Variants in GIGYF2 observed in about 807,000 individuals in gnomAD.
The protein encoded by GIGYF2 is GRB10-interacting GYF protein 2.
GIGYF2 carries 25 observed loss-of-function variants against 208.1 expected under a neutral mutation model. That is an observed-to-expected ratio of 0.12 (90% CI 0.09 to 0.17). GIGYF2 has a LOEUF of 0.17. GIGYF2 is among the 10% of genes least tolerant of loss of function. The pLI is 1.00. For missense variants in GIGYF2, 1,302 were observed against 1,579.4 expected, an observed-to-expected ratio of 0.82 and a Z score of 2.98; for synonymous variants, 534 against 543.8, an observed-to-expected ratio of 0.98 and a Z score of 0.25.
chr2:232,704,597 G>C (rs115065613), intron 2 of GIGYF2, among the ~76,000 whole-genome samples: 1 of 151,902 alleles, frequency 6.6e-6, no homozygotes, highest in Non-Finnish European at 1.5e-5. Context: ...GGGTTTTGCC[G>C]TGTTGGCCAG....
intron 21 of GIGYF2, among the ~76,000 whole-genome samples, chr2:232,826,732 C>A (rs1377789270): frequency 6.6e-6 from 1 of 152,164 alleles, no homozygotes; most frequent in Non-Finnish European, 1.5e-5. Flanking sequence ...ATATGATTGA[C>A]TCCAATTTTG....
intron 2 of GIGYF2, among the ~76,000 whole-genome samples, chr2:232,706,449 G>T (rs1298104825): frequency 6.6e-6 from 1 of 152,100 alleles, no homozygotes; most frequent in South Asian, 2.1e-4. Flanking sequence ...TTCAAAACTA[G>T]TCTGGGAAAC....
chr2:232,829,272 T>C (rs1701343642), intron 21 of GIGYF2, among the ~76,000 whole-genome samples: 2 of 152,210 alleles, frequency 1.3e-5, no homozygotes, highest in African/African-American at 4.8e-5. Flanking sequence ...CCTCTGATTG[T>C]ATTCCTTGTC....
intron 17 of GIGYF2, among the ~76,000 whole-genome samples, chr2:232,811,973 A>C (rs1456563963): frequency 6.6e-6 from 1 of 152,184 alleles, no homozygotes; most frequent in Non-Finnish European, 1.5e-5. Context: ...GGACTCTGAG[A>C]GGCTGTAGGA....
chr2:232,856,894 T>C lies in GIGYF2; in HGVS notation c.*34T>C. ...CAGTGGACTGGCCATCCCTCTCCTG[T>C]CTGCCGACTATGGAGTCTCCACCTT... On this transcript the variant is annotated 3_prime_UTR_variant, in exon 29 of 29. Transcript: ENST00000373563. 6.9e-7 allele frequency: 1 copy of C among 1,447,134 alleles called. No homozygotes were observed. The highest frequency in any genetic ancestry group is 9.7e-7 in the Non-Finnish European group (1 of 1,027,108). The allele number at this position is 1,447,134 out of a possible 1,614,324, so 89.6% of individuals were successfully genotyped here.
At chr2:232,782,568 A>T (rs1265303202) in intron 8 of GIGYF2, 5 of 152,214 alleles carry the variant, frequency 3.3e-5, no homozygotes, top group African/African-American at 4.8e-5. Flanking sequence ...AAGCAGTAGC[A>T]TAAGAGTAAT....
At chr2:232,788,052 G>A (rs533332455) in intron 9 of GIGYF2, 1 of 153,926 alleles carries the variant, frequency 6.5e-6, no homozygotes, top group Non-Finnish European at 1.4e-5. Flanking sequence ...CAATTGTGGG[G>A]TCATGCAAAA....
At chr2:232,852,437 C>T (rs1574956898) in intron 28 of GIGYF2, among the ~76,000 whole-genome samples, 1 of 152,070 alleles carries the variant, frequency 6.6e-6, no homozygotes, top group Non-Finnish European at 1.5e-5. Flanking sequence ...CCCAGCTACT[C>T]GGGAAGCTGA....
At chr2:232,708,491 A>G (rs1696233893) in intron 2 of GIGYF2, among the ~76,000 whole-genome samples, 1 of 152,218 alleles carries the variant, frequency 6.6e-6, no homozygotes, top group Non-Finnish European at 1.5e-5. Flanking sequence ...TACCATATCA[A>G]TATGTAGTGA....
chr2:232,702,927 C>T (rs1271752017), intron 1 of GIGYF2, among the ~76,000 whole-genome samples: 1 of 152,180 alleles, frequency 6.6e-6, no homozygotes, highest in African/African-American at 2.4e-5. Context: ...TCCCGAGTAG[C>T]TGGGACTACA....
intron 2 of GIGYF2, among the ~76,000 whole-genome samples, chr2:232,708,671 TA>T (rs11365519): frequency 0.35 from 42,269 of 120,222 alleles, 7,348 homozygotes; most frequent in South Asian, 0.68. Flanking sequence ...CTCATTTCTT[TA>T]AAAAAAAAAA....
intron 8 of GIGYF2, among the ~76,000 whole-genome samples, chr2:232,778,373 C>G (rs908317198): frequency 1.3e-5 from 2 of 152,156 alleles, no homozygotes; most frequent in African/African-American, 4.8e-5. Flanking sequence ...AAAGAAATGT[C>G]TTAAGTGAAG....
rs1276817525 is a variant in GIGYF2 at position 232,845,874 on chromosome 2, A to G, written c.3448A>G (p.Asn1150Asp). The change falls in exon 26 of 29, where the codon AAT becomes GAT. Residue 1150 changes from asparagine to aspartate, a missense_variant. By Grantham distance (23) the Asn-to-Asp change is conservative (BLOSUM62 1). Coordinates refer to ENST00000373563, the MANE Select transcript of GIGYF2 (RefSeq NM_001103146.3). Reference sequence around the variant, plus strand: ...GATGCTTCATGCCCTTAATACGGCAAATAACTTGGATGGTAAGAATTGGGG... The same window carrying G: ...GATGCTTCATGCCCTTAATACGGCAGATAACTTGGATGGTAAGAATTGGGG... ...EQMLHALNTA[N>D]NLDVPTFVSF... 3.1e-6 allele frequency: 5 copies of G among 1,604,262 alleles called. No individual in the cohort carries two copies. The highest frequency in any genetic ancestry group is 1.1e-5 in the South Asian group (1 of 90,862).
intron 14 of GIGYF2, among the ~76,000 whole-genome samples, chr2:232,805,643 C>G (rs1700539336): frequency 6.6e-6 from 1 of 152,158 alleles, no homozygotes; most frequent in Non-Finnish European, 1.5e-5. Flanking sequence ...ATCTCCAAAT[C>G]TGTGATATAT....
At chr2:232,779,668 G>A (rs73995902) in intron 8 of GIGYF2, among the ~76,000 whole-genome samples, 2,335 of 152,292 alleles carry the variant, frequency 0.015, 70 homozygotes, top group African/African-American at 0.054. Context: ...GGGCTGTAGG[G>A]TTGTGGTACA....
chr2:232,719,982 A>T (rs933832641), intron 2 of GIGYF2, among the ~76,000 whole-genome samples: 2 of 152,184 alleles, frequency 1.3e-5, no homozygotes, highest in African/African-American at 4.8e-5. Flanking sequence ...ATAGTTGTAC[A>T]TGTGCACAAC....
intron 1 of GIGYF2, among the ~76,000 whole-genome samples, chr2:232,699,061 G>A (rs985663636): frequency 3.9e-5 from 6 of 152,166 alleles, no homozygotes; most frequent in African/African-American, 1.4e-4. Context: ...AGTGGTAAGC[G>A]ATGTGAAAGA....
In GIGYF2 at chr2:232,796,052, C is replaced by T. The variant is rs753370840; in HGVS notation, c.1480-10C>T. The T allele has an allele frequency of 1.2e-5, 20 of 1,603,104 alleles. No individual in the cohort carries two copies. The Admixed American group carries it at 3.3e-4, about 27-fold the overall frequency. Reference sequence around the variant, plus strand: ...ATTTGTTTCCTTGATTTTTGTTTTTCTGTTACTAGCAAGCTGAGAAAATGG... The same window carrying T: ...ATTTGTTTCCTTGATTTTTGTTTTTTTGTTACTAGCAAGCTGAGAAAATGG... On this transcript the variant is annotated splice_polypyrimidine_tract_variant and intron_variant, in intron 13 of 28. Coordinates refer to ENST00000373563, the MANE Select transcript of GIGYF2 (RefSeq NM_001103146.3).
chr2:232,818,143 T>A (rs1700969857), intron 20 of GIGYF2, among the ~76,000 whole-genome samples: 1 of 152,224 alleles, frequency 6.6e-6, no homozygotes, highest in South Asian at 2.1e-4. Flanking sequence ...TGATTAGTGT[T>A]GTTGGGCATC....
Sources: allele counts gnomAD v4.1 joint callset (sites outside exome capture counted in the v4.1 genomes callset), GRCh38; gene constraint gnomAD v4.1.1; transcripts MANE v1.5; gene names NCBI Gene and HGNC (gene_info 2026-07-23, HGNC 2026-07-21).